Variants in TMEM50B observed in about 807,000 individuals in gnomAD.
The protein encoded by TMEM50B is transmembrane protein 50B.
Under a neutral mutation model 23.4 loss-of-function variants are expected in TMEM50B, and 14 were observed. The ratio of observed to expected loss-of-function variants is 0.60; its 90% confidence interval spans 0.39 to 0.93. TMEM50B has a LOEUF of 0.93. Ranked by LOEUF, TMEM50B falls within the 40% of genes least tolerant of loss-of-function variation. TMEM50B has a pLI of 0.00. For missense variants in TMEM50B, 159 were observed against 193.0 expected, an observed-to-expected ratio of 0.82 and a Z score of 1.04; for synonymous variants, 64 against 62.3, an observed-to-expected ratio of 1.03 and a Z score of -0.13.
downstream of TMEM50B, among the ~76,000 whole-genome samples, chr21:33,446,340 A>C (rs1414470640): frequency 6.6e-6 from 1 of 150,744 alleles, no homozygotes; most frequent in African/African-American, 2.4e-5. Context: ...GGGCTCAAGC[A>C]ATTCTCCTGC....
At chr21:33,440,253 C>A (rs2083996051) in intron 7 of TMEM50B, among the ~76,000 whole-genome samples, 1 of 152,092 alleles carries the variant, frequency 6.6e-6, no homozygotes, top group African/African-American at 2.4e-5. Context: ...CATGAAAATT[C>A]TATGATATTC....
In TMEM50B at chr21:33,437,377, G is replaced by A. The variant is rs564598685; in HGVS notation, c.*2120+1837C>T. 1.2e-4 allele frequency: 23 copies of A among 191,170 alleles called. 1 individual carries two copies. In the South Asian group the frequency reaches 1.4e-3, roughly 12 times the overall value. The allele number at this position is 191,170 out of a possible 1,614,324, so 11.8% of individuals were successfully genotyped here. On this transcript the variant is annotated intron_variant and NMD_transcript_variant, in intron 8 of 8. Transcript: ENST00000420455. The stretch of plus-strand genomic sequence containing the variant: ...GGCAGGTCACACAACCTGTCCCAGC[G>A]AGGGACACCGAGTGGCCCTTCATGT...
chr21:33,438,104 G>A (rs2083975300), intron 8 of TMEM50B, among the ~76,000 whole-genome samples: 3 of 151,732 alleles, frequency 2.0e-5, no homozygotes, highest in Admixed American at 1.3e-4. Context: ...GGGCAACATA[G>A]TGAGACCTTG....
chr21:33,453,549 T>A (rs2084141899), intron 6 of TMEM50B, among the ~76,000 whole-genome samples: 1 of 151,978 alleles, frequency 6.6e-6, no homozygotes, highest in African/African-American at 2.4e-5. Context: ...CAAAAAATGC[T>A]TGAAGAAATA....
chr21:33,460,079 C>T (rs1020673908), intron 5 of TMEM50B, among the ~76,000 whole-genome samples: 2 of 152,094 alleles, frequency 1.3e-5, no homozygotes, highest in Non-Finnish European at 2.9e-5. Flanking sequence ...GAGTGTACAC[C>T]TGTACTGGTT....
chr21:33,456,959 G>A (rs374895608), intron 5 of TMEM50B, among the ~76,000 whole-genome samples: 1 of 152,136 alleles, frequency 6.6e-6, no homozygotes, highest in African/African-American at 2.4e-5. Flanking sequence ...TTTACAAATA[G>A]AAAAGTATAT....
At chr21:33,441,329 T>C (rs1258097494) in intron 7 of TMEM50B, among the ~76,000 whole-genome samples, 2 of 152,088 alleles carry the variant, frequency 1.3e-5, no homozygotes, top group Admixed American at 1.3e-4. Context: ...AGAGGCTCTC[T>C]GAAAGGAAAT....
chr21:33,432,896 T>TA, intron 8 of TMEM50B: 1 of 1,604,192 alleles, frequency 6.2e-7, no homozygotes, highest in Non-Finnish European at 8.5e-7. Context: ...ATCTCTTTTT[T>TA]TTTTTTTGAG....
At chr21:33,436,993 C>G in intron 8 of TMEM50B, 1 of 1,612,604 alleles carries the variant, frequency 6.2e-7, no homozygotes, top group South Asian at 1.1e-5. Context: ...CACTGGCTCC[C>G]TGGAAGAGAT....
In TMEM50B at chr21:33,449,975, T is replaced by C. The variant is rs2084102523; in HGVS notation, c.*843A>G. On this transcript the variant is annotated 3_prime_UTR_variant, in exon 7 of 7. Coordinates refer to ENST00000542230, the MANE Select transcript of TMEM50B (RefSeq NM_006134.7). Reference sequence around the variant, plus strand: ...ATAAAGTCATATTAGAGGAATTCTTTTTAAAAGAAGCTTTCAAACTAGTCC... The same window carrying C: ...ATAAAGTCATATTAGAGGAATTCTTCTTAAAAGAAGCTTTCAAACTAGTCC... 1 of 152,642 alleles carries C rather than the reference T, an allele frequency of 6.6e-6. No homozygotes were observed. The highest frequency in any genetic ancestry group is 6.5e-5 in the Admixed American group (1 of 15,274). The allele number at this position is 152,642 out of a possible 1,614,324, so 9.5% of individuals were successfully genotyped here.
chr21:33,433,032 C>G (rs1028456497), intron 8 of TMEM50B, among the ~76,000 whole-genome samples: 3 of 152,196 alleles, frequency 2.0e-5, no homozygotes, highest in Admixed American at 1.3e-4. Flanking sequence ...ATTACAAGTG[C>G]TCACCACCAT....
intron 6 of TMEM50B, among the ~76,000 whole-genome samples, chr21:33,452,018 C>G (rs1019860722): frequency 3.3e-5 from 5 of 152,166 alleles, no homozygotes; most frequent in Non-Finnish European, 7.3e-5. Context: ...CTGGGCAGAG[C>G]ACATAGATGA....
chr21:33,461,472 T>A (rs1306123067), intron 4 of TMEM50B, among the ~76,000 whole-genome samples: 1 of 152,172 alleles, frequency 6.6e-6, no homozygotes, highest in East Asian at 1.9e-4. Flanking sequence ...TTATATTCAA[T>A]CATAGCTTTT....
intron 4 of TMEM50B, among the ~76,000 whole-genome samples, chr21:33,461,381 T>C (rs1256957689): frequency 6.6e-6 from 1 of 152,194 alleles, no homozygotes; most frequent in Non-Finnish European, 1.5e-5. Flanking sequence ...CTCTATATTA[T>C]CTAAATTTTA....
chr21:33,442,545 C>A (rs1202782793), intron 7 of TMEM50B, among the ~76,000 whole-genome samples: 2 of 152,208 alleles, frequency 1.3e-5, no homozygotes, highest in African/African-American at 4.8e-5. Context: ...CTTCTCTGGG[C>A]CCCTCAGTTA....
Position 33,435,388 on chromosome 21 carries a change from G to A in TMEM50B, c.*2121-2586C>T, listed in dbSNP as rs529581117. Among the ~76,000 whole-genome samples the A allele has an allele frequency of 8.3e-4, 126 of 152,152 alleles. 1 individual carries two copies. Among genetic ancestry groups the A allele is most frequent in the South Asian group, 4.6e-3 (22 of 4,822 alleles). The stretch of plus-strand genomic sequence containing the variant: ...ACTGAAAGGTTACAATTTTAGAGAC[G>A]TCTTAAGATTAATAACCCACAGGCC... On this transcript the variant is annotated intron_variant and NMD_transcript_variant, in intron 8 of 8. Coordinates refer to the TMEM50B transcript ENST00000420455.
At chr21:33,471,531 A>C (rs1221751935) in intron 1 of TMEM50B, among the ~76,000 whole-genome samples, 3 of 152,178 alleles carry the variant, frequency 2.0e-5, no homozygotes, top group Non-Finnish European at 4.4e-5. Flanking sequence ...TGGTCAAAAT[A>C]ACTGAACCAA....
intron 3 of TMEM50B, among the ~76,000 whole-genome samples, chr21:33,466,562 A>C (rs147045801): frequency 2.0e-5 from 3 of 152,300 alleles, no homozygotes; most frequent in African/African-American, 7.2e-5. Flanking sequence ...CTACTAAAAA[A>C]ATGCAGAAAC....
At chr21:33,454,918 A>G (rs1280460607) in intron 6 of TMEM50B, among the ~76,000 whole-genome samples, 3 of 152,008 alleles carry the variant, frequency 2.0e-5, no homozygotes, top group Non-Finnish European at 4.4e-5. Flanking sequence ...GGAGTTCGAG[A>G]CCACTCTGGG....
Sources: allele counts gnomAD v4.1 joint callset (sites outside exome capture counted in the v4.1 genomes callset), GRCh38; gene constraint gnomAD v4.1.1; transcripts MANE v1.5; gene names NCBI Gene and HGNC (gene_info 2026-07-23, HGNC 2026-07-21).